The following TENM3 variants were observed in gnomAD, a reference collection of about 807,000 sequenced individuals.
TENM3 encodes teneurin-3.
A neutral mutation model predicts 255.1 loss-of-function variants in TENM3; 63 were observed. The observed-to-expected ratio is 0.25, with a 90% CI of 0.20 to 0.30. The LOEUF is 0.30. Among genes scored for constraint, TENM3 ranks in the 10% least tolerant of loss-of-function variants. The pLI is 1.00. For synonymous variants in TENM3, 1,306 were observed against 1,322.3 expected, an observed-to-expected ratio of 0.99 and a Z score of 0.27; for missense variants, 2,929 against 3,461.1, an observed-to-expected ratio of 0.85 and a Z score of 3.86.
At chr4:181,903,175 T>C in the TENM3 span, among the ~76,000 whole-genome samples, 2 of 151,962 alleles carry the variant, frequency 1.3e-5, no homozygotes, top group Admixed American at 1.3e-4. Flanking sequence ...AGGAAGCATC[T>C]ATATTGCTTT....
At chr4:182,039,610 C>A in the TENM3 span, among the ~76,000 whole-genome samples, 1 of 152,054 alleles carries the variant, frequency 6.6e-6, no homozygotes, top group Non-Finnish European at 1.5e-5. Context: ...TATAACATAT[C>A]TGTAGTGATA....
chr4:182,755,405 G>A (rs113813943), intron 22 of TENM3, 146 bp downstream of exon 22: 25 of 768,580 alleles, frequency 3.3e-5, no homozygotes, highest in South Asian at 1.0e-4. Context: ...GGCTGGGCAC[G>A]GTGGCTCATT....
intron 1 of TENM3, among the ~76,000 whole-genome samples, chr4:182,192,560 T>C (rs1209674048): frequency 6.6e-6 from 1 of 152,228 alleles, no homozygotes; most frequent in Non-Finnish European, 1.5e-5. Flanking sequence ...CTTTTTGGCT[T>C]ACAACATGTT....
chr4:181,956,412 C>T, the TENM3 span, among the ~76,000 whole-genome samples: 3 of 152,234 alleles, frequency 2.0e-5, no homozygotes, highest in Non-Finnish European at 4.4e-5. Context: ...ATGCCAACCT[C>T]TCATGGTATG....
At chr4:182,216,088 GAATA>G (rs1755446065) in intron 1 of TENM3, among the ~76,000 whole-genome samples, 1 of 152,184 alleles carries the variant, frequency 6.6e-6, no homozygotes, top group South Asian at 2.1e-4. Flanking sequence ...AAAGGCCAGT[GAATA>G]ATCCACACGT....
chr4:181,986,030 G>A, the TENM3 span, among the ~76,000 whole-genome samples: 1 of 151,956 alleles, frequency 6.6e-6, no homozygotes, highest in South Asian at 2.1e-4. Flanking sequence ...GATTGAATGG[G>A]CTACAAATTC....
intron 3 of TENM3, among the ~76,000 whole-genome samples, chr4:182,578,025 G>A (rs1332860193): frequency 2.0e-5 from 3 of 150,800 alleles, no homozygotes; most frequent in Non-Finnish European, 4.4e-5. Flanking sequence ...TGCCCAGGCT[G>A]GAGTGCAATG....
chr4:181,721,498 G>A, the TENM3 span, among the ~76,000 whole-genome samples: 1 of 121,836 alleles, frequency 8.2e-6, no homozygotes, highest in Non-Finnish European at 1.7e-5. Flanking sequence ...TACTCGGGAG[G>A]CTGAGGCAGG....
At position 182,628,988 on chromosome 4, in the gene TENM3, A is replaced by G. The variant is rs140629221; in HGVS notation, c.988+99A>G. 609 of 754,274 alleles carry G rather than the reference A, an allele frequency of 8.1e-4. 6 individuals are homozygous for G. In the African/African-American group the frequency reaches 9.6e-3, roughly 12 times the overall value. 46.7% of individuals were successfully genotyped at this position (754,274 alleles called of 1,614,324 possible). A position where few individuals can be genotyped will look rare whatever the true frequency, so the allele number is the denominator to read the frequency against. On this transcript the variant is annotated intron_variant, in intron 5 of 27. Coordinates refer to ENST00000511685, the MANE Select transcript of TENM3 (RefSeq NM_001080477.4). ...ATTTGGTCTAGAAATATATTGTGAG[A>G]TTATATTTGGTGGGGGTGAGTTTGG...
At chr4:182,115,370 A>G in the TENM3 span, among the ~76,000 whole-genome samples, 1 of 152,326 alleles carries the variant, frequency 6.6e-6, no homozygotes, top group East Asian at 1.9e-4. Context: ...ACAAATTATG[A>G]CAGAAAGTTA....
chr4:181,506,668 G>A, the TENM3 span, among the ~76,000 whole-genome samples: 3 of 151,640 alleles, frequency 2.0e-5, no homozygotes, highest in African/African-American at 7.3e-5. Flanking sequence ...GAGTAAAAAG[G>A]CCAAATCTCA....
the TENM3 span, among the ~76,000 whole-genome samples, chr4:181,505,481 A>T: frequency 6.6e-6 from 1 of 152,162 alleles, no homozygotes; most frequent in South Asian, 2.1e-4. Context: ...ATTTTCCCCA[A>T]TAAGCTGTTT....
intron 22 of TENM3, among the ~76,000 whole-genome samples, chr4:182,773,100 T>G (rs991336528): frequency 3.9e-5 from 6 of 152,202 alleles, no homozygotes; most frequent in Non-Finnish European, 5.9e-5. Context: ...CTTTAAGAAC[T>G]GATGTAACAG....
chr4:182,030,485 A>G, the TENM3 span, among the ~76,000 whole-genome samples: 1 of 152,130 alleles, frequency 6.6e-6, no homozygotes, highest in African/African-American at 2.4e-5. Context: ...TCTATCATTG[A>G]TGGACATTTG....
chr4:182,567,801 T>C (rs1743942277), intron 3 of TENM3, among the ~76,000 whole-genome samples: 2 of 144,480 alleles, frequency 1.4e-5, no homozygotes, highest in South Asian at 4.4e-4. Context: ...ATTTACTTTG[T>C]AATTATATTA....
At chr4:182,304,216 G>C (rs554774300) in intron 1 of TENM3, among the ~76,000 whole-genome samples, 2 of 151,968 alleles carry the variant, frequency 1.3e-5, no homozygotes, top group South Asian at 4.2e-4. Flanking sequence ...TCTCTTTCAA[G>C]AAATTTTTTT....
chr4:182,379,640 G>A (rs1767433931), intron 3 of TENM3, among the ~76,000 whole-genome samples: 1 of 150,070 alleles, frequency 6.7e-6, no homozygotes, highest in Non-Finnish European at 1.5e-5. Context: ...TTAATCTGAG[G>A]GTGTGGATGT....
chr4:181,494,378 G>A, the TENM3 span, among the ~76,000 whole-genome samples: 9 of 152,054 alleles, frequency 5.9e-5, no homozygotes, highest in Non-Finnish European at 7.4e-5. Context: ...TCCGCCTCCC[G>A]GGTTCAAGTG....
chr4:182,643,735 G>T (rs911091292), intron 5 of TENM3, among the ~76,000 whole-genome samples: 1 of 152,134 alleles, frequency 6.6e-6, no homozygotes, highest in Non-Finnish European at 1.5e-5. Flanking sequence ...TTTATTTTCT[G>T]CAACTTAATA....
Sources: allele counts gnomAD v4.1 joint callset (sites outside exome capture counted in the v4.1 genomes callset), GRCh38; gene constraint gnomAD v4.1.1; transcripts MANE v1.5; gene names NCBI Gene and HGNC (gene_info 2026-07-23, HGNC 2026-07-21).